Variants in NCKAP5 observed in about 807,000 individuals in gnomAD.
NCKAP5 encodes the protein NCK associated protein 5.
A neutral mutation model predicts 167.0 loss-of-function variants in NCKAP5; 92 were observed. That is an observed-to-expected ratio of 0.55 (90% CI 0.47 to 0.66). The LOEUF (loss-of-function observed/expected upper bound fraction) is 0.66, where lower values mean the gene tolerates loss of function less well. Among genes scored for constraint, NCKAP5 ranks in the 30% least tolerant of loss-of-function variants. The pLI is 0.00. For synonymous variants in NCKAP5, 891 were observed against 877.4 expected (o/e 1.02, Z -0.27); for missense variants, 2,378 against 2,315.0 (o/e 1.03, Z -0.56).
chr2:133,158,481 C>T (rs968221081), intron 5 of NCKAP5, among the ~76,000 whole-genome samples: 7 of 152,136 alleles, frequency 4.6e-5, no homozygotes, highest in Admixed American at 1.3e-4. Context: ...TGCATTCATT[C>T]ACTTGCTTGT....
chr2:133,195,801 G>A (rs1251699528), intron 5 of NCKAP5, among the ~76,000 whole-genome samples: 1 of 152,020 alleles, frequency 6.6e-6, no homozygotes, highest in Non-Finnish European at 1.5e-5. Context: ...ATATTGACAG[G>A]AAAAAATAAA....
chr2:133,173,978 T>A (rs1260220089), intron 5 of NCKAP5, among the ~76,000 whole-genome samples: 1 of 148,478 alleles, frequency 6.7e-6, no homozygotes, highest in East Asian at 1.9e-4. Context: ...TACATACGCT[T>A]TTTTTCCCCC....
intron 6 of NCKAP5, among the ~76,000 whole-genome samples, chr2:133,011,797 A>G (rs2078169511): frequency 6.6e-6 from 1 of 152,230 alleles, no homozygotes; most frequent in South Asian, 2.1e-4. Context: ...GATGATTATC[A>G]TTCTGTGAAC....
chr2:133,658,619 A>G, the NCKAP5 span, among the ~76,000 whole-genome samples: 4 of 152,284 alleles, frequency 2.6e-5, no homozygotes, highest in African/African-American at 9.6e-5. Flanking sequence ...CTGTTTCCGT[A>G]TCGGGACCTA....
chr2:132,705,633 G>T (rs770104006), intron 19 of NCKAP5, among the ~76,000 whole-genome samples: 2 of 151,966 alleles, frequency 1.3e-5, no homozygotes, highest in Non-Finnish European at 2.9e-5. Flanking sequence ...TCTGAATCAT[G>T]ATGTGTTCAC....
chr2:132,697,237 G>GTA (rs1687427164), intron 19 of NCKAP5, among the ~76,000 whole-genome samples: 7 of 152,202 alleles, frequency 4.6e-5, no homozygotes, highest in Non-Finnish European at 7.3e-5. Flanking sequence ...CACCTTGGAG[G>GTA]AGCTGGTCCT....
intron 6 of NCKAP5, among the ~76,000 whole-genome samples, chr2:133,052,212 C>A (rs1355726055): frequency 1.3e-5 from 2 of 152,198 alleles, no homozygotes; most frequent in Admixed American, 6.5e-5. Context: ...AAATCCACCT[C>A]TGTGCCATCT....
At chr2:133,575,377 A>C in the NCKAP5 span, among the ~76,000 whole-genome samples, 1 of 152,222 alleles carries the variant, frequency 6.6e-6, no homozygotes, top group Non-Finnish European at 1.5e-5. Context: ...CCTTCTATTA[A>C]CAAAGGAGAA....
intron 16 of NCKAP5, among the ~76,000 whole-genome samples, chr2:132,768,250 C>T (rs980070135): frequency 2.0e-5 from 3 of 152,120 alleles, no homozygotes; most frequent in Non-Finnish European, 2.9e-5. Flanking sequence ...ATATTCTTCC[C>T]CAAATTCCTC....
At chr2:132,737,016 A>C (rs1455956353) in intron 16 of NCKAP5, among the ~76,000 whole-genome samples, 1 of 152,136 alleles carries the variant, frequency 6.6e-6, no homozygotes, top group Admixed American at 6.5e-5. Context: ...TCTGTCTCTC[A>C]AGGTATTAAC....
At position 133,070,884 on chromosome 2, in the gene NCKAP5, T is replaced by C. The variant is rs1024860366; in HGVS notation, c.341+59094A>G. ...TATAACATTTTACATATATATCTCA[T>C]TTTAAAACATCTTGCTTTTGTAAAA... On this transcript the variant is annotated intron_variant, in intron 6 of 19. Transcript: ENST00000409261. Among the ~76,000 whole-genome samples, 26 of 152,230 alleles carry C rather than the reference T, an allele frequency of 1.7e-4. 1 individual carries two copies. Among genetic ancestry groups the C allele is most frequent in the Admixed American group, 3.3e-4 (5 of 15,286 alleles).
chr2:133,428,002 G>A (rs999065355), intron 3 of NCKAP5, among the ~76,000 whole-genome samples: 1 of 151,966 alleles, frequency 6.6e-6, no homozygotes, highest in African/African-American at 2.4e-5. Context: ...TTGGATACAG[G>A]TATTATCATA....
In NCKAP5 at chr2:132,796,715, A is replaced by G. The variant is rs1868076; in HGVS notation, c.822T>C (p.Arg274=). The G allele has an allele frequency of 0.56, 906,092 of 1,607,374 alleles. 261,384 individuals carry two copies. Among genetic ancestry groups the G allele is most frequent in the East Asian group, 0.92 (41,084 of 44,774 alleles). The change falls in exon 12 of 20, where the codon CGT becomes CGC. Residue 274 remains arginine (R), a synonymous_variant. Transcript: ENST00000409261. ...AATCTCCAGATGAAAGATCCAAGAG[A>G]CGTGAGTGAAGTTTCTAGGTAAAAC... ...SDLLLQKLHS[R]LLDLSSGDLL...
chr2:133,208,160 G>A lies in NCKAP5; in HGVS notation c.207+5556C>T, dbSNP rs563491401. Among the ~76,000 whole-genome samples the A allele has an allele frequency of 8.5e-5, 13 of 152,156 alleles. No homozygotes were observed. In the South Asian group the frequency reaches 2.5e-3, roughly 29 times the overall value. ...TCGAGACCAGCCTGGACAACATGGC[G>A]AGACCCTGTCTCTACAAAAATAACA... On this transcript the variant is annotated intron_variant, in intron 5 of 19. Transcript: ENST00000409261.
At chr2:133,236,943 C>T (rs568360903) in intron 4 of NCKAP5, among the ~76,000 whole-genome samples, 6 of 152,118 alleles carry the variant, frequency 3.9e-5, no homozygotes, top group Middle Eastern at 3.4e-3. Flanking sequence ...TCCCTCTCTC[C>T]TCTCCATGTC....
At chr2:132,912,901 T>C (rs1226669425) in intron 8 of NCKAP5, among the ~76,000 whole-genome samples, 1 of 152,006 alleles carries the variant, frequency 6.6e-6, no homozygotes, top group African/African-American at 2.4e-5. Context: ...TGAAATGATA[T>C]AGAATTTTTT....
intron 6 of NCKAP5, among the ~76,000 whole-genome samples, chr2:133,017,709 A>T (rs919148535): frequency 1.5e-4 from 23 of 151,504 alleles, no homozygotes; most frequent in Non-Finnish European, 2.6e-4. Context: ...ACTTTTCTGT[A>T]AGGCAAGTTC....
At chr2:132,946,217 C>A (rs1697712245) in intron 8 of NCKAP5, among the ~76,000 whole-genome samples, 1 of 152,152 alleles carries the variant, frequency 6.6e-6, no homozygotes, top group African/African-American at 2.4e-5. Context: ...TCTGCTGCAG[C>A]AAAAGCGTCA....
At chr2:133,197,894 G>A (rs1269619100) in intron 5 of NCKAP5, among the ~76,000 whole-genome samples, 2 of 152,142 alleles carry the variant, frequency 1.3e-5, no homozygotes, top group African/African-American at 4.8e-5. Flanking sequence ...AGATTGCAGT[G>A]AGCCAAGATC....
Sources: gnomAD v4.1 joint callset for allele counts (sites outside exome capture counted in the v4.1 genomes callset) on GRCh38, gnomAD v4.1.1 for gene constraint, MANE v1.5 for transcripts, NCBI Gene and HGNC (gene_info 2026-07-23, HGNC 2026-07-21) for gene names.